GSG1L: variants seen among roughly 807,000 people sequenced by gnomAD.
GSG1L encodes germ cell-specific gene 1-like protein.
In GSG1L, 24 loss-of-function variants were observed where a neutral mutation model predicts 42.1. That is an observed-to-expected ratio of 0.57 (90% CI 0.41 to 0.80). GSG1L has a LOEUF of 0.80. Ranked by LOEUF, GSG1L falls within the 30% of genes least tolerant of loss-of-function variation. The pLI is 0.00. For missense variants in GSG1L, 445 were observed against 472.2 expected, an observed-to-expected ratio of 0.94 and a Z score of 0.53; for synonymous variants, 215 against 203.5, an observed-to-expected ratio of 1.06 and a Z score of -0.48.
At chr16:27,880,044 C>T (rs2083934472) in intron 3 of GSG1L, among the ~76,000 whole-genome samples, 1 of 152,070 alleles carries the variant, frequency 6.6e-6, no homozygotes, top group Admixed American at 6.5e-5. Flanking sequence ...CAACCTCTCC[C>T]CAGATAGACC....
At position 27,876,085 on chromosome 16, in the gene GSG1L, A is replaced by G. The variant is rs143336046; in HGVS notation, c.550+8401T>C. 4.4e-3 allele frequency among the ~76,000 whole-genome samples: 668 copies of G among 152,310 alleles called. 2 individuals carry two copies. The highest frequency in any genetic ancestry group is 0.015 in the African/African-American group (642 of 41,572). On this transcript the variant is annotated intron_variant, in intron 3 of 6. Transcript: ENST00000447459. ...TCACTTACAAATAAAAGGATCTTTA[A>G]TAATATGTAAATATTCATCTTTCTG...
intron 2 of GSG1L, among the ~76,000 whole-genome samples, chr16:27,890,566 G>A (rs900132907): frequency 2.6e-5 from 4 of 152,220 alleles, no homozygotes; most frequent in African/African-American, 9.6e-5. Flanking sequence ...GGACTCAGTG[G>A]GCTGTGCACC....
intron 2 of GSG1L, among the ~76,000 whole-genome samples, chr16:27,931,182 C>T (rs1426015120): frequency 1.3e-5 from 2 of 152,144 alleles, no homozygotes; most frequent in African/African-American, 2.4e-5. Flanking sequence ...CTTCGTGGGG[C>T]CAATCAAAGG....
chr16:27,931,688 T>C (rs1160937755), intron 2 of GSG1L, among the ~76,000 whole-genome samples: 2 of 152,108 alleles, frequency 1.3e-5, no homozygotes, highest in Non-Finnish European at 2.9e-5. Flanking sequence ...TCCTTGGTCC[T>C]TAGGAGGACA....
chr16:28,012,370 GC>G (rs1270270407), intron 1 of GSG1L, among the ~76,000 whole-genome samples: 1 of 152,130 alleles, frequency 6.6e-6, no homozygotes, highest in Non-Finnish European at 1.5e-5. Context: ...AAACTCACTT[GC>G]TGTGTGATCT....
chr16:27,809,264 G>A (rs1187867769), intron 5 of GSG1L, among the ~76,000 whole-genome samples: 1 of 152,142 alleles, frequency 6.6e-6, no homozygotes, highest in Admixed American at 6.5e-5. Context: ...GCATGCCGGA[G>A]TGGTGGTGTG....
intron 1 of GSG1L, among the ~76,000 whole-genome samples, chr16:27,963,702 C>A (rs1010139114): frequency 3.3e-5 from 5 of 152,174 alleles, no homozygotes; most frequent in Non-Finnish European, 7.4e-5. Flanking sequence ...GGCCTGTCCA[C>A]CCACTGCCCT....
At chr16:28,058,491 T>C (rs1321255923) in intron 1 of GSG1L, among the ~76,000 whole-genome samples, 1 of 151,876 alleles carries the variant, frequency 6.6e-6, no homozygotes, top group East Asian at 1.9e-4. Context: ...TAGCCAGGTA[T>C]GGTGGTGTAC....
chr16:27,918,531 C>T (rs1470370153), intron 2 of GSG1L, among the ~76,000 whole-genome samples: 8 of 151,872 alleles, frequency 5.3e-5, no homozygotes, highest in Admixed American at 2.0e-4. Context: ...TGGTGGCGGG[C>T]GCCTGTGGTC....
intron 2 of GSG1L, among the ~76,000 whole-genome samples, chr16:27,931,313 C>T (rs145779992): frequency 4.6e-5 from 7 of 152,248 alleles, no homozygotes; most frequent in East Asian, 1.9e-4. Flanking sequence ...GTGGACATCC[C>T]GCTCTGATCT....
chr16:27,807,649 C>T, intron 5 of GSG1L, 95 bp from the exon 6 acceptor site: 6 of 1,010,990 alleles, frequency 5.9e-6, no homozygotes, highest in South Asian at 5.8e-5. Flanking sequence ...AATCTTCCCC[C>T]CTCTGGAGAA....
At chr16:28,021,338 TCACAC>T (rs2085840730) in intron 1 of GSG1L, among the ~76,000 whole-genome samples, 1 of 152,052 alleles carries the variant, frequency 6.6e-6, no homozygotes, top group Admixed American at 6.5e-5. Flanking sequence ...TTGCCCAAGG[TCACAC>T]CACTGCTAAG....
chr16:27,928,166 G>T (rs1450369439), intron 2 of GSG1L, among the ~76,000 whole-genome samples: 1 of 152,174 alleles, frequency 6.6e-6, no homozygotes, highest in Non-Finnish European at 1.5e-5. Flanking sequence ...GACTTCACAA[G>T]CATTGTCTTC....
rs201435647 is a variant in GSG1L at position 27,835,584 on chromosome 16, TC to T, written c.663-6629del. On this transcript the variant is annotated intron_variant, in intron 4 of 6. Transcript: ENST00000447459. Reference sequence around the variant, plus strand: ...GTTCCTCTGTTTTTTGTTTCTCTTTTCTTTTTTCTTGTGTTCCCTTGGATTT... The same window carrying T: ...GTTCCTCTGTTTTTTGTTTCTCTTTTTTTTTTCTTGTGTTCCCTTGGATTT... Among the ~76,000 whole-genome samples, 64 of 151,198 alleles carry T rather than the reference TC, an allele frequency of 4.2e-4. 1 individual carries two copies. The highest frequency in any genetic ancestry group is 7.0e-4 in the African/African-American group (29 of 41,256).
rs1472886739 is a variant in GSG1L, at chr16:27,787,829, C to T, written c.*3541G>A. 6.6e-6 allele frequency: 1 copy of T among 152,196 alleles called. No individual in the cohort carries two copies. Among genetic ancestry groups the T allele is most frequent in the Non-Finnish European group, 1.5e-5 (1 of 68,046 alleles). The allele number at this position is 152,196 out of a possible 1,614,324, so 9.4% of individuals were successfully genotyped here. ...GATGCCTGGTGGCCAGGGCTAGATC[C>T]CTGTCAGATCTGTCCCTGCCCAGGC... On this transcript the variant is annotated 3_prime_UTR_variant, in exon 7 of 7. Transcript: ENST00000447459.
chr16:27,929,750 C>T (rs1431290720), intron 2 of GSG1L, among the ~76,000 whole-genome samples: 2 of 152,224 alleles, frequency 1.3e-5, no homozygotes, highest in Non-Finnish European at 2.9e-5. Context: ...TACATCTGCC[C>T]CATGGTGAGA....
chr16:27,796,630 G>A (rs992997815), intron 6 of GSG1L, among the ~76,000 whole-genome samples: 18 of 152,332 alleles, frequency 1.2e-4, no homozygotes, highest in South Asian at 4.1e-4. Flanking sequence ...TGAGTGGGAC[G>A]GACCCGTATG....
intron 4 of GSG1L, among the ~76,000 whole-genome samples, 154 bp downstream of exon 4, chr16:27,844,796 G>C (rs2083424258): frequency 6.6e-6 from 1 of 152,028 alleles, no homozygotes; most frequent in African/African-American, 2.4e-5. Flanking sequence ...CCCTGCCCTG[G>C]GGTCTTAAAG....
chr16:27,947,354 A>G (rs955545558), intron 2 of GSG1L, among the ~76,000 whole-genome samples: 4 of 149,052 alleles, frequency 2.7e-5, no homozygotes, highest in East Asian at 2.0e-4. Flanking sequence ...AAAGAAGAAG[A>G]AGGAGGAGGA....
Sources: gnomAD v4.1 joint callset for allele counts (sites outside exome capture counted in the v4.1 genomes callset) on GRCh38, gnomAD v4.1.1 for gene constraint, MANE v1.5 for transcripts, NCBI Gene and HGNC (gene_info 2026-07-23, HGNC 2026-07-21) for gene names.